Variants in LSAMP observed in about 807,000 individuals in gnomAD.
LSAMP encodes limbic system associated membrane protein, also known as limbic system-associated membrane protein.
In LSAMP, 7 loss-of-function variants were observed where a neutral mutation model predicts 38.6. That is an observed-to-expected ratio of 0.18 (90% CI 0.10 to 0.34). The LOEUF (loss-of-function observed/expected upper bound fraction) is 0.34. LSAMP is among the 10% of genes least tolerant of loss of function. LSAMP has a pLI of 1.00. For synonymous variants in LSAMP, 154 were observed against 166.8 expected, an observed-to-expected ratio of 0.92 and a Z score of 0.59; for missense variants, 313 against 420.0, an observed-to-expected ratio of 0.75 and a Z score of 2.23.
At chr3:116,152,182 T>C (rs1266091751) in intron 1 of LSAMP, among the ~76,000 whole-genome samples, 1 of 152,104 alleles carries the variant, frequency 6.6e-6, no homozygotes, top group African/African-American at 2.4e-5. Context: ...CCAAGATATT[T>C]TGGGGCTTTT....
intron 1 of LSAMP, among the ~76,000 whole-genome samples, chr3:116,341,764 C>T (rs1477654717): frequency 1.3e-5 from 2 of 151,940 alleles, no homozygotes; most frequent in Non-Finnish European, 2.9e-5. Flanking sequence ...ATGACTCCCG[C>T]CTTCCTTGAC....
chr3:116,206,608 T>C (rs972515810), intron 1 of LSAMP, among the ~76,000 whole-genome samples: 1 of 146,432 alleles, frequency 6.8e-6, no homozygotes, highest in African/African-American at 2.5e-5. Context: ...GTTGTGTCTT[T>C]GTTCTCGTTG....
Position 116,066,581 on chromosome 3 carries a change from G to T in LSAMP, c.388+19743C>A, listed in dbSNP as rs534257472. Among the ~76,000 whole-genome samples the T allele has an allele frequency of 3.9e-5, 6 of 151,940 alleles. No individual in the cohort carries two copies. In the East Asian group the frequency reaches 9.7e-4, roughly 25 times the overall value. ...CCTGGTTACCTTTTTTTCTGATACC[G>T]CCACTTTCTGGAAACTGCCTTTGCA... On this transcript the variant is annotated intron_variant, in intron 2 of 6. Transcript: ENST00000490035.
At chr3:116,099,043 G>A (rs1192018824) in intron 1 of LSAMP, among the ~76,000 whole-genome samples, 1 of 152,168 alleles carries the variant, frequency 6.6e-6, no homozygotes, top group East Asian at 1.9e-4. Context: ...GAGGTAACTG[G>A]TATCTGGATT....
At chr3:115,907,852 G>A (rs1023621348) in intron 3 of LSAMP, among the ~76,000 whole-genome samples, 20 of 152,246 alleles carry the variant, frequency 1.3e-4, no homozygotes, top group African/African-American at 4.1e-4. Flanking sequence ...TGAGTAAAAT[G>A]TGACATCATT....
chr3:115,813,245 A>C (rs1933898111), intron 6 of LSAMP, among the ~76,000 whole-genome samples: 1 of 152,080 alleles, frequency 6.6e-6, no homozygotes, highest in African/African-American at 2.4e-5. Flanking sequence ...AGGTCCTATA[A>C]AGTTATAGCA....
At chr3:116,310,467 C>A (rs186966333) in intron 1 of LSAMP, among the ~76,000 whole-genome samples, 1 of 152,252 alleles carries the variant, frequency 6.6e-6, no homozygotes, top group African/African-American at 2.4e-5. Context: ...AATTGACTGA[C>A]AGAGTGAGGC....
intron 3 of LSAMP, among the ~76,000 whole-genome samples, chr3:115,877,607 G>T (rs1936215442): frequency 6.6e-6 from 1 of 151,956 alleles, no homozygotes; most frequent in Non-Finnish European, 1.5e-5. Context: ...TTCAAAAAAA[G>T]GCATCCCTTC....
chr3:115,901,950 T>A (rs946439987), intron 3 of LSAMP, among the ~76,000 whole-genome samples: 11 of 151,870 alleles, frequency 7.2e-5, no homozygotes, highest in African/African-American at 2.7e-4. Flanking sequence ...AAAATGCAAT[T>A]ACACTAGCAA....
At chr3:115,998,475 G>A (rs925531337) in intron 3 of LSAMP, among the ~76,000 whole-genome samples, 9 of 152,014 alleles carry the variant, frequency 5.9e-5, no homozygotes, top group Admixed American at 5.9e-4. Flanking sequence ...AAGTGTAATG[G>A]GAGAAGCCCT....
At chr3:116,237,935 A>G (rs2046486369) in intron 1 of LSAMP, among the ~76,000 whole-genome samples, 2 of 152,182 alleles carry the variant, frequency 1.3e-5, no homozygotes, top group Admixed American at 1.3e-4. Flanking sequence ...GACATTTTGG[A>G]ATGAATAATT....
intron 1 of LSAMP, among the ~76,000 whole-genome samples, chr3:116,306,731 T>C (rs535679284): frequency 6.6e-6 from 1 of 152,072 alleles, no homozygotes; most frequent in South Asian, 2.1e-4. Flanking sequence ...AGAATCACTG[T>C]TTTCTGCATG....
In LSAMP at chr3:116,298,443, G is replaced by T. The variant is rs1029791333; in HGVS notation, c.155+146434C>A. Among the ~76,000 whole-genome samples the T allele has an allele frequency of 4.0e-4, 61 of 152,072 alleles. 1 individual carries two copies. The highest frequency in any genetic ancestry group is 1.4e-3 in the African/African-American group (58 of 41,372). The stretch of plus-strand genomic sequence containing the variant: ...TCAGAAGGGGGAAAAAAAAAACTGG[G>T]AGTTAGGAGGCTTTTCTCTGATTTC... On this transcript the variant is annotated intron_variant, in intron 1 of 6. Transcript: ENST00000490035.
intron 3 of LSAMP, among the ~76,000 whole-genome samples, chr3:116,013,435 T>C (rs1470670001): frequency 1.3e-5 from 2 of 152,196 alleles, no homozygotes; most frequent in African/African-American, 4.8e-5. Flanking sequence ...TATGGAGCCA[T>C]CTGTATTGGG....
chr3:116,162,181 A>G (rs571298963), intron 1 of LSAMP, among the ~76,000 whole-genome samples: 39 of 152,206 alleles, frequency 2.6e-4, no homozygotes, highest in Non-Finnish European at 4.6e-4. Flanking sequence ...TCTCCAAACT[A>G]AAATCTTAGG....
At chr3:116,017,731 G>A (rs532841122) in intron 3 of LSAMP, among the ~76,000 whole-genome samples, 1 of 152,260 alleles carries the variant, frequency 6.6e-6, no homozygotes, top group Non-Finnish European at 1.5e-5. Flanking sequence ...TAGGAAAAAA[G>A]AAAGTAGAGA....
chr3:116,145,967 C>A (rs762156644), intron 1 of LSAMP, among the ~76,000 whole-genome samples: 1 of 151,804 alleles, frequency 6.6e-6, no homozygotes, highest in Non-Finnish European at 1.5e-5. Context: ...TATTTATAAT[C>A]TTTATTGCTA....
At chr3:116,438,978 A>G (rs1036372733) in intron 1 of LSAMP, among the ~76,000 whole-genome samples, 2 of 152,230 alleles carry the variant, frequency 1.3e-5, no homozygotes, top group East Asian at 3.9e-4. Context: ...ACTGATATCT[A>G]TTTAGTGCTG....
At chr3:116,428,440 G>A (rs1362853795) in intron 1 of LSAMP, among the ~76,000 whole-genome samples, 1 of 152,082 alleles carries the variant, frequency 6.6e-6, no homozygotes, top group Admixed American at 6.5e-5. Flanking sequence ...CCTGGTGACA[G>A]ATCTTTTGTC....
Sources: gnomAD v4.1 joint callset for allele counts (sites outside exome capture counted in the v4.1 genomes callset) on GRCh38, gnomAD v4.1.1 for gene constraint, MANE v1.5 for transcripts, NCBI Gene and HGNC (gene_info 2026-07-23, HGNC 2026-07-21) for gene names.